Variants in PCSK5 observed in about 807,000 individuals in gnomAD.
PCSK5 encodes prohormone convertase 5.
In PCSK5, 129 loss-of-function variants were observed where a neutral mutation model predicts 233.2. The observed-to-expected ratio is 0.55, with a 90% CI of 0.48 to 0.64. The LOEUF is 0.64. Among genes scored for constraint, PCSK5 ranks in the 30% least tolerant of loss-of-function variants. PCSK5 has a pLI of 0.00. For synonymous variants in PCSK5, 825 were observed against 879.2 expected (o/e 0.94, Z 1.09); for missense variants, 2,076 against 2,430.1 (o/e 0.85, Z 3.06).
At chr9:75,918,746 C>G (rs550185771) in intron 1 of PCSK5, among the ~76,000 whole-genome samples, 1 of 152,298 alleles carries the variant, frequency 6.6e-6, no homozygotes, top group South Asian at 2.1e-4. Flanking sequence ...GAAAGCTTTA[C>G]ATATTGCAAA....
intron 2 of PCSK5, among the ~76,000 whole-genome samples, chr9:75,952,012 T>G (rs1042457262): frequency 6.6e-6 from 1 of 152,184 alleles, no homozygotes; most frequent in Non-Finnish European, 1.5e-5. Context: ...TGAAAGAATT[T>G]AAAGTGAACA....
chr9:76,112,246 T>C (rs1382828056), intron 9 of PCSK5, among the ~76,000 whole-genome samples: 1 of 152,198 alleles, frequency 6.6e-6, no homozygotes, highest in Non-Finnish European at 1.5e-5. Context: ...TTGAAACTTC[T>C]GAAATTATCT....
In PCSK5 at chr9:76,344,265, T is replaced by A. The variant is rs1197126654; in HGVS notation, c.4966+5818T>A. Among the ~76,000 whole-genome samples, 5 of 152,192 alleles carry A rather than the reference T, an allele frequency of 3.3e-5. No individual in the cohort carries two copies. The East Asian group carries it at 5.8e-4, about 18-fold the overall frequency. Reference sequence around the variant, plus strand: ...GGCTGAATCCTATTAGGTAAACCAATCCAGGCAGAGCTGCTCAGGTGGGAG... The same window carrying A: ...GGCTGAATCCTATTAGGTAAACCAAACCAGGCAGAGCTGCTCAGGTGGGAG... On this transcript the variant is annotated intron_variant, in intron 35 of 37. Coordinates refer to ENST00000674117, the MANE Select transcript of PCSK5 (RefSeq NM_001372043.1).
At chr9:76,057,832 C>CTT (rs36017305) in intron 5 of PCSK5, among the ~76,000 whole-genome samples, 300 of 67,052 alleles carry the variant, frequency 4.5e-3, no homozygotes, top group Non-Finnish European at 6.3e-3. Flanking sequence ...TATTCAGGGG[C>CTT]TTTTTTTTTT....
chr9:75,958,521 G>A (rs958427873), intron 2 of PCSK5, among the ~76,000 whole-genome samples: 1 of 152,148 alleles, frequency 6.6e-6, no homozygotes, highest in Admixed American at 6.5e-5. Flanking sequence ...CTTGGTTCAG[G>A]GGAAGAGTAT....
At chr9:76,005,757 T>A (rs1563967852) in intron 3 of PCSK5, among the ~76,000 whole-genome samples, 1 of 152,222 alleles carries the variant, frequency 6.6e-6, no homozygotes, top group Non-Finnish European at 1.5e-5. Flanking sequence ...TATTGCTAAA[T>A]CTCCCTCATT....
intron 3 of PCSK5, among the ~76,000 whole-genome samples, chr9:75,995,355 G>T (rs529611276): frequency 1.3e-5 from 2 of 152,158 alleles, no homozygotes; most frequent in Non-Finnish European, 2.9e-5. Flanking sequence ...ATAAATGTGT[G>T]TTGAATGAAT....
chr9:75,960,164 G>C (rs1192271697), intron 2 of PCSK5, among the ~76,000 whole-genome samples: 3 of 152,090 alleles, frequency 2.0e-5, no homozygotes, highest in Non-Finnish European at 4.4e-5. Context: ...ATAGATTTTA[G>C]GTCTTTTTTC....
At chr9:76,184,622 T>C (rs1378769792) in intron 16 of PCSK5, 51 bp from the exon 17 acceptor site, 1 of 1,204,346 alleles carries the variant, frequency 8.3e-7, no homozygotes, top group Non-Finnish European at 1.2e-6. Flanking sequence ...CTGATGCTTT[T>C]ATGGAATCCA....
At chr9:76,207,470 G>C (rs1448229280) in intron 20 of PCSK5, among the ~76,000 whole-genome samples, 1 of 152,190 alleles carries the variant, frequency 6.6e-6, no homozygotes, top group Non-Finnish European at 1.5e-5. Flanking sequence ...TGTGTATCTT[G>C]CATTAATTCG....
chr9:76,013,726 T>C (rs1196039249), intron 3 of PCSK5, among the ~76,000 whole-genome samples: 2 of 152,180 alleles, frequency 1.3e-5, no homozygotes, highest in Non-Finnish European at 2.9e-5. Context: ...TTGTGCTGCT[T>C]GATTTGTTCA....
intron 3 of PCSK5, among the ~76,000 whole-genome samples, chr9:75,999,278 T>C (rs1460403273): frequency 6.6e-6 from 1 of 152,044 alleles, no homozygotes; most frequent in Admixed American, 6.5e-5. Flanking sequence ...TTCTCATTGT[T>C]CAATGTGGAG....
chr9:75,955,363 T>C (rs1362779653), intron 2 of PCSK5, among the ~76,000 whole-genome samples: 1 of 152,192 alleles, frequency 6.6e-6, no homozygotes, highest in Non-Finnish European at 1.5e-5. Context: ...GAAAATCAGC[T>C]TGCCTTCTCC....
intron 27 of PCSK5, among the ~76,000 whole-genome samples, chr9:76,297,477 G>A (rs1309608488): frequency 6.6e-6 from 1 of 152,164 alleles, no homozygotes; most frequent in Non-Finnish European, 1.5e-5. Flanking sequence ...AGGTGTGGGA[G>A]CTTGGAATCC....
At chr9:76,284,344 C>T (rs1266419216) in intron 24 of PCSK5, among the ~76,000 whole-genome samples, 1 of 152,030 alleles carries the variant, frequency 6.6e-6, no homozygotes, top group African/African-American at 2.4e-5. Context: ...TTTTCCCATG[C>T]TGTTCTCATG....
chr9:76,015,511 A>G (rs1036611222), intron 3 of PCSK5, among the ~76,000 whole-genome samples: 1 of 152,258 alleles, frequency 6.6e-6, no homozygotes, highest in Non-Finnish European at 1.5e-5. Context: ...TATAATAATC[A>G]TACAGCACAA....
chr9:76,174,523 G>A (rs2131195291), intron 13 of PCSK5, among the ~76,000 whole-genome samples: 1 of 151,982 alleles, frequency 6.6e-6, no homozygotes, highest in East Asian at 2.0e-4. Flanking sequence ...TGTTAGCCAG[G>A]GTGGTCTCAA....
At position 76,037,605 on chromosome 9, in the gene PCSK5, G is replaced by GT. The variant is rs1272871185; in HGVS notation, c.632+10573dup. ...ATAAAGTAAAAGACACTTTTCCAAT[G>GT]TTTTTGCACTTAAGCGACAACCTTT... On this transcript the variant is annotated intron_variant, in intron 5 of 37. Transcript: ENST00000674117. Among the ~76,000 whole-genome samples the GT allele has an allele frequency of 2.6e-5, 4 of 152,110 alleles. No homozygotes were observed. The East Asian group carries it at 7.7e-4, about 29-fold the overall frequency.
intron 5 of PCSK5, among the ~76,000 whole-genome samples, chr9:76,063,319 CTTTTTTTTTTTTTTTTTT>C (rs1157596601): frequency 8.4e-5 from 5 of 59,710 alleles, no homozygotes; most frequent in Admixed American, 2.8e-4. Flanking sequence ...TTTCTTTTTT[CTTTTTTTTTTTTTTTTTT>C]TTTTTTTTTT....
Sources: gnomAD v4.1 joint callset for allele counts (sites outside exome capture counted in the v4.1 genomes callset) on GRCh38, gnomAD v4.1.1 for gene constraint, MANE v1.5 for transcripts, NCBI Gene and HGNC (gene_info 2026-07-23, HGNC 2026-07-21) for gene names.